The following INSYN1 variants were observed in gnomAD, a reference collection of about 807,000 sequenced individuals.
INSYN1 encodes the protein inhibitory synaptic factor 1.
In INSYN1, 7 loss-of-function variants were observed where a neutral mutation model predicts 17.1. The ratio of observed to expected loss-of-function variants is 0.41; its 90% confidence interval spans 0.23 to 0.77. The LOEUF (loss-of-function observed/expected upper bound fraction) is 0.77. Among genes scored for constraint, INSYN1 ranks in the 30% least tolerant of loss-of-function variants. The pLI, the probability that INSYN1 is intolerant of heterozygous loss-of-function variation, is 0.32. For missense variants in INSYN1, 339 were observed against 400.6 expected, an observed-to-expected ratio of 0.85 and a Z score of 1.31; for synonymous variants, 174 against 166.3, an observed-to-expected ratio of 1.05 and a Z score of -0.36.
rs1474660333 is a variant in INSYN1 at position 73,752,777 on chromosome 15, C to A, written c.-1235G>T. On this transcript the variant is annotated 5_prime_UTR_variant, in exon 1 of 3. Coordinates refer to ENST00000569673, the MANE Select transcript of INSYN1 (RefSeq NM_001039614.3). The surrounding 1 kb of genome is among the most constrained non-coding windows in gnomAD (Gnocchi z 5.2). Reference sequence around the variant, plus strand: ...CACGTTCCGAAAGGTCCGGAATCCACCGGGTCCCCGAGGAGGGGCGATGTC... The same window carrying A: ...CACGTTCCGAAAGGTCCGGAATCCAACGGGTCCCCGAGGAGGGGCGATGTC... 6.6e-6 allele frequency: 1 copy of A among 151,792 alleles called. No individual in the cohort carries two copies. The highest frequency in any genetic ancestry group is 2.4e-5 in the African/African-American group (1 of 41,380). 9.4% of individuals were successfully genotyped at this position (151,792 alleles called of 1,614,324 possible). A position where few individuals can be genotyped will look rare whatever the true frequency, so the allele number is the denominator to read the frequency against.
Position 73,751,705 on chromosome 15 carries a change from G to A in INSYN1, c.-567-8C>T, listed in dbSNP as rs112800801. The A allele has an allele frequency of 0.013, 1,941 of 154,250 alleles. 52 individuals are homozygous for A. The highest frequency in any genetic ancestry group is 0.043 in the African/African-American group (1,786 of 41,564). 9.6% of individuals were successfully genotyped at this position (154,250 alleles called of 1,614,324 possible). A position where few individuals can be genotyped will look rare whatever the true frequency, so the allele number is the denominator to read the frequency against. On this transcript the variant is annotated splice_region_variant and splice_polypyrimidine_tract_variant and intron_variant, in intron 1 of 2. Coordinates refer to ENST00000569673, the MANE Select transcript of INSYN1 (RefSeq NM_001039614.3). ...TTGGAAGAGGGCAGCCCCCTGCGGA[G>A]AGAGCGAGCCTGGCGTCAGCCCTCC...
At chr15:73,745,807 T>TC (rs1298776378) in intron 2 of INSYN1, among the ~76,000 whole-genome samples, 45 of 34,264 alleles carry the variant, frequency 1.3e-3, no homozygotes, top group African/African-American at 4.4e-3. Context: ...AGACTCCGTC[T>TC]CAAAAAACAA....
At chr15:73,743,364 G>C (rs1260897035) in intron 2 of INSYN1, among the ~76,000 whole-genome samples, 1 of 152,192 alleles carries the variant, frequency 6.6e-6, no homozygotes, top group Non-Finnish European at 1.5e-5. Flanking sequence ...CCAACCTGGG[G>C]GGATGGAGGA....
chr15:73,746,366 C>T (rs1350536295), intron 2 of INSYN1, among the ~76,000 whole-genome samples: 1 of 152,068 alleles, frequency 6.6e-6, no homozygotes, highest in Admixed American at 6.6e-5. Context: ...AAAAAATCCA[C>T]GCAATTCTTG....
intron 2 of INSYN1, among the ~76,000 whole-genome samples, chr15:73,741,543 A>G (rs1901692435): frequency 1.3e-5 from 2 of 152,200 alleles, no homozygotes; most frequent in South Asian, 2.1e-4. Context: ...CTGTCAGCAC[A>G]TAAATCAGGG....
chr15:73,744,083 G>A (rs1189979850), intron 2 of INSYN1, among the ~76,000 whole-genome samples: 1 of 152,028 alleles, frequency 6.6e-6, no homozygotes, highest in Non-Finnish European at 1.5e-5. Context: ...GGATTTAATG[G>A]CTTAATGCGC....
chr15:73,744,736 G>A (rs1901777223), intron 2 of INSYN1, among the ~76,000 whole-genome samples: 1 of 152,168 alleles, frequency 6.6e-6, no homozygotes, highest in African/African-American at 2.4e-5. Context: ...CAGAAGGAAA[G>A]AGAGGGGGAG....
At position 73,739,854 on chromosome 15, in the gene INSYN1, T is replaced by C. The variant is rs538216416; in HGVS notation, c.*63A>G. The C allele has an allele frequency of 2.9e-3, 611 of 209,216 alleles. 4 individuals are homozygous for C. Among genetic ancestry groups the C allele is most frequent in the African/African-American group, 0.014 (581 of 41,284 alleles). The allele number at this position is 209,216 out of a possible 1,614,324, so 13.0% of individuals were successfully genotyped here. A position where few individuals can be genotyped will look rare whatever the true frequency, so the allele number is the denominator to read the frequency against. On this transcript the variant is annotated 3_prime_UTR_variant, in exon 3 of 3. Coordinates refer to ENST00000569673, the MANE Select transcript of INSYN1 (RefSeq NM_001039614.3). ...ATTTGTTTAAATATATATATATATA[T>C]ATATATATATATATTTATTTATAGC...
chr15:73,748,590 G>A (rs773073774), intron 2 of INSYN1, among the ~76,000 whole-genome samples: 1 of 152,202 alleles, frequency 6.6e-6, no homozygotes, highest in Non-Finnish European at 1.5e-5. Context: ...GGAGAGCCAG[G>A]CAGATTCAGC....
At chr15:73,749,165 C>G (rs1467223461) in intron 2 of INSYN1, among the ~76,000 whole-genome samples, 1 of 152,146 alleles carries the variant, frequency 6.6e-6, no homozygotes, top group Non-Finnish European at 1.5e-5. Flanking sequence ...AAGAGATCAT[C>G]TCTGGAAGGC....
At chr15:73,745,621 G>A (rs778118992) in intron 2 of INSYN1, among the ~76,000 whole-genome samples, 26 of 152,138 alleles carry the variant, frequency 1.7e-4, no homozygotes, top group Non-Finnish European at 2.8e-4. Flanking sequence ...TCCCCAGCTC[G>A]GCACAGGGAT....
In INSYN1 at chr15:73,750,996, C is replaced by T. The variant is rs1224178397; in HGVS notation, c.135G>A (p.Glu45=). ...TTACCTCCCTCAGCTCCTTGGCCAC[C>T]TCCTTGAGCTCGCGAAGGATGCCCT... is the stretch of plus-strand genomic sequence containing the variant. ...QLEGILRELK[E]VAKELREVVS... is the part of the protein sequence containing the mutation. The change falls in exon 2 of 3, where the codon GAG becomes GAA. Residue 45 remains glutamate, a synonymous_variant. Transcript: ENST00000569673. 6.2e-7 allele frequency: 1 copy of T among 1,614,120 alleles called. No individual in the cohort carries two copies. The highest frequency in any genetic ancestry group is 8.5e-7 in the Non-Finnish European group (1 of 1,180,020).
intron 2 of INSYN1, 101 bp downstream of exon 2, chr15:73,750,874 C>T (rs1304623324): frequency 2.7e-5 from 34 of 1,276,886 alleles, no homozygotes; most frequent in African/African-American, 1.2e-4. Flanking sequence ...CACATGTGCA[C>T]GCAGCTTTGC....
At chr15:73,751,900 G>T (rs1022412410) in intron 1 of INSYN1, among the ~76,000 whole-genome samples, 14 of 152,064 alleles carry the variant, frequency 9.2e-5, no homozygotes, top group Admixed American at 9.2e-4. Flanking sequence ...TTTAGAAGCA[G>T]AAGTCCTCAG....
Position 73,737,383 on chromosome 15 carries a change from C to T in INSYN1, c.*2534G>A, listed in dbSNP as rs1287655630. 6.6e-6 allele frequency: 1 copy of T among 152,340 alleles called. No individual in the cohort carries two copies. Among genetic ancestry groups the T allele is most frequent in the Non-Finnish European group, 1.5e-5 (1 of 68,114 alleles). 9.4% of individuals were successfully genotyped at this position (152,340 alleles called of 1,614,324 possible). On this transcript the variant is annotated 3_prime_UTR_variant, in exon 3 of 3. Transcript: ENST00000569673. Reference sequence around the variant, plus strand: ...TCGGGGACTGCCCCCTTCTCACTCTCAGGGTGGGGCGGAATGCAGCTGGCC... The same window carrying T: ...TCGGGGACTGCCCCCTTCTCACTCTTAGGGTGGGGCGGAATGCAGCTGGCC...
intron 2 of INSYN1, among the ~76,000 whole-genome samples, chr15:73,749,902 C>T (rs1026655694): frequency 6.6e-6 from 1 of 152,190 alleles, no homozygotes; most frequent in Non-Finnish European, 1.5e-5. Flanking sequence ...CCTTGGCTCT[C>T]AGGCCAGGCT....
chr15:73,739,862 TA>T lies in INSYN1; in HGVS notation c.*54del, dbSNP rs1567034799. The T allele has an allele frequency of 7.4e-4, 228 of 306,970 alleles. 1 individual carries two copies. The highest frequency in any genetic ancestry group is 1.7e-3 in the Admixed American group (39 of 22,482). 19.0% of individuals were successfully genotyped at this position (306,970 alleles called of 1,614,324 possible). On this transcript the variant is annotated 3_prime_UTR_variant, in exon 3 of 3. Transcript: ENST00000569673. Reference sequence around the variant, plus strand: ...AAATATATATATATATATATATATATATATATTTATTTATAGCTCTATGTGC... The same window carrying T: ...AAATATATATATATATATATATATATTATATTTATTTATAGCTCTATGTGC...
chr15:73,742,347 C>T (rs1357984758), intron 2 of INSYN1, among the ~76,000 whole-genome samples: 1 of 152,136 alleles, frequency 6.6e-6, no homozygotes, highest in Admixed American at 6.5e-5. Context: ...AATCCCAGAC[C>T]ACCAAGTGAG....
chr15:73,747,000 C>T (rs1901853007), intron 2 of INSYN1, among the ~76,000 whole-genome samples: 1 of 152,298 alleles, frequency 6.6e-6, no homozygotes, highest in African/African-American at 2.4e-5. Context: ...ATCCAAATTC[C>T]GTGCATGCTG....
Sources: allele counts gnomAD v4.1 joint callset (sites outside exome capture counted in the v4.1 genomes callset), GRCh38; gene constraint gnomAD v4.1.1; non-coding constraint Gnocchi (gnomAD v3.1); transcripts MANE v1.5; gene names NCBI Gene and HGNC (gene_info 2026-07-23, HGNC 2026-07-21).